The following TRAF1 variants were observed in gnomAD, a reference collection of about 807,000 sequenced individuals.
TRAF1 encodes the protein TNF receptor-associated factor 1.
Under a neutral mutation model 40.9 loss-of-function variants are expected in TRAF1, and 23 were observed. That is an observed-to-expected ratio of 0.56 (90% confidence interval 0.40 to 0.80). TRAF1 has a LOEUF of 0.80. TRAF1 is among the 30% of genes least tolerant of loss of function. TRAF1 has a pLI of 0.00. For synonymous variants in TRAF1, 206 were observed against 218.8 expected (o/e 0.94, Z 0.52); for missense variants, 477 against 528.7 (o/e 0.90, Z 0.96).
rs929429360 is a variant in TRAF1 at position 120,904,936 on chromosome 9, G to C, written c.*84C>G. On this transcript the variant is annotated 3_prime_UTR_variant, in exon 8 of 8. Coordinates refer to ENST00000373887, the MANE Select transcript of TRAF1 (RefSeq NM_005658.5). ...GCCTTCACCCATCTTTGTGCCCTGAGGTCTTGGGTGCCAAGGGCAGGGCAT... is the reference window on the plus strand; with the variant it reads ...GCCTTCACCCATCTTTGTGCCCTGACGTCTTGGGTGCCAAGGGCAGGGCAT... 2 of 1,357,690 alleles carry C rather than the reference G, an allele frequency of 1.5e-6. No individual in the cohort carries two copies. The highest frequency in any genetic ancestry group is 2.0e-6 in the Non-Finnish European group (2 of 982,856). 84.1% of individuals were successfully genotyped at this position (1,357,690 alleles called of 1,614,324 possible). A position where few individuals can be genotyped will look rare whatever the true frequency, so the allele number is the denominator to read the frequency against.
intron 5 of TRAF1, 135 bp from the exon 6 acceptor site, chr9:120,911,648 G>A: frequency 9.8e-7 from 1 of 1,019,792 alleles, no homozygotes; most frequent in South Asian, 1.6e-5. Flanking sequence ...GTCTGCATCT[G>A]AATGTGCTGC....
chr9:120,913,753 G>A lies in TRAF1; in HGVS notation c.295-15C>T. On this transcript the variant is annotated splice_polypyrimidine_tract_variant and intron_variant, in intron 4 of 7. Coordinates refer to ENST00000373887, the MANE Select transcript of TRAF1 (RefSeq NM_005658.5). The stretch of plus-strand genomic sequence containing the variant: ...TGTGGGCTTCCCTGACAAGAGAGTG[G>A]GGCTGATCAGTGAAAACAGAGGTGG... 6.5e-7 allele frequency: 1 copy of A among 1,539,502 alleles called. No homozygotes were observed. Among genetic ancestry groups the A allele is most frequent in the Non-Finnish European group, 8.8e-7 (1 of 1,142,106 alleles).
At chr9:120,908,393 A>C (rs997423869) in intron 7 of TRAF1, among the ~76,000 whole-genome samples, 1 of 149,578 alleles carries the variant, frequency 6.7e-6, no homozygotes, top group Non-Finnish European at 1.5e-5. Flanking sequence ...AAAATAAAAC[A>C]ACCAGTCTCT....
chr9:120,910,990 T>C (rs1038366232), intron 6 of TRAF1, among the ~76,000 whole-genome samples: 2 of 152,252 alleles, frequency 1.3e-5, no homozygotes, highest in African/African-American at 4.8e-5. Flanking sequence ...GCACATACTG[T>C]GGCCCACAGC....
At position 120,904,646 on chromosome 9, in the gene TRAF1, A is replaced by G. The variant is rs1056534070; in HGVS notation, c.*374T>C. The stretch of plus-strand genomic sequence containing the variant: ...AGGTCTCCCTGGCGGCCCTGCAGAG[A>G]TCTTCCTAGCCCGAGAGCTTCTCTG... On this transcript the variant is annotated 3_prime_UTR_variant, in exon 8 of 8. Coordinates refer to ENST00000373887, the MANE Select transcript of TRAF1 (RefSeq NM_005658.5). The G allele has an allele frequency of 7.9e-6, 2 of 252,786 alleles. No homozygotes were observed. Among genetic ancestry groups the G allele is most frequent in the Non-Finnish European group, 1.6e-5 (2 of 128,262 alleles). 15.7% of individuals were successfully genotyped at this position (252,786 alleles called of 1,614,324 possible). A position where few individuals can be genotyped will look rare whatever the true frequency, so the allele number is the denominator to read the frequency against.
intron 5 of TRAF1, among the ~76,000 whole-genome samples, chr9:120,912,816 C>T (rs949493220): frequency 1.3e-5 from 2 of 152,160 alleles, no homozygotes; most frequent in African/African-American, 4.8e-5. Context: ...TGAGCCAGAG[C>T]GTAGGATGGC....
intron 3 of TRAF1, among the ~76,000 whole-genome samples, chr9:120,916,721 C>A (rs1181696448): frequency 1.4e-5 from 2 of 143,610 alleles, no homozygotes; most frequent in Non-Finnish European, 3.0e-5. Flanking sequence ...GCTTCAGGGA[C>A]AAGTTGTTCC....
chr9:120,928,560 A>T (rs1457208536), upstream of TRAF1: 1 of 151,000 alleles, frequency 6.6e-6, no homozygotes. Context: ...CGTCTCCTTG[A>T]CCCCTTTCTC....
At chr9:120,911,612 G>GCAGACGCACAC in intron 5 of TRAF1, 99 bp from the exon 6 acceptor site, 1 of 1,416,546 alleles carries the variant, frequency 7.1e-7, no homozygotes. Context: ...GATGTGTTTT[G>GCAGACGCACAC]CTGACCACGC....
intron 7 of TRAF1, among the ~76,000 whole-genome samples, chr9:120,905,929 C>T (rs556569840): frequency 2.0e-4 from 30 of 152,328 alleles, no homozygotes; most frequent in African/African-American, 6.3e-4. Context: ...ATGCTCAGGC[C>T]TTATCACTTA....
chr9:120,906,821 C>T (rs549120901), intron 7 of TRAF1, among the ~76,000 whole-genome samples: 2 of 152,284 alleles, frequency 1.3e-5, no homozygotes, highest in South Asian at 4.1e-4. Flanking sequence ...CTCCCGGCAC[C>T]TACTCTTGGA....
At chr9:120,905,732 G>A (rs887002272) in intron 7 of TRAF1, among the ~76,000 whole-genome samples, 3 of 152,250 alleles carry the variant, frequency 2.0e-5, no homozygotes, top group African/African-American at 7.2e-5. Context: ...TGAGACATTT[G>A]TGGAGCTTCT....
Position 120,905,175 on chromosome 9 carries a change from G to C in TRAF1, c.1096C>G (p.Leu366Val), listed in dbSNP as rs2046470858. ...GGCCTCTGGAAGGACGCTGAGCTTA[G>C]GTCAGGCCGGAAGGCGTCAATGGCG... ...EHAIDAFRPD[L>V]SSASFQRPQS... Residue 366 changes from leucine (L) to valine (V), a missense_variant, in exon 8 of 8, where the codon CTA becomes GTA. Leu to Val is a conservative substitution (Grantham distance 32). Transcript: ENST00000373887. 1.2e-6 allele frequency: 2 copies of C among 1,614,184 alleles called. No individual in the cohort carries two copies. Among genetic ancestry groups the C allele is most frequent in the South Asian group, 1.1e-5 (1 of 91,072 alleles).
intron 3 of TRAF1, among the ~76,000 whole-genome samples, chr9:120,918,839 G>A (rs1045254057): frequency 6.6e-6 from 1 of 152,166 alleles, no homozygotes; most frequent in Non-Finnish European, 1.5e-5. Context: ...GCCCCTGCAT[G>A]GGCTTGCTGC....
rs1157711208 is a variant in TRAF1 at position 120,909,377 on chromosome 9, G to C, written c.885C>G (p.Ala295=). Reference sequence around the variant, plus strand: ...TGTAGCCATACTTGGCAGTGTAGAAGGCTGAAACGCAGAAGCCAGAGGCAG... The same window carrying C: ...TGTAGCCATACTTGGCAGTGTAGAACGCTGAAACGCAGAAGCCAGAGGCAG... ...CGRTVSLFSP[A]FYTAKYGYKL... is the part of the protein sequence containing the mutation. The change falls in exon 7 of 8, where the codon GCC becomes GCG. Residue 295 remains alanine (A), a splice_region_variant and synonymous_variant. Transcript: ENST00000373887. 6.2e-7 allele frequency: 1 copy of C among 1,613,480 alleles called. No individual in the cohort carries two copies. The highest frequency in any genetic ancestry group is 1.3e-5 in the African/African-American group (1 of 74,920).
intron 3 of TRAF1, among the ~76,000 whole-genome samples, chr9:120,918,977 C>G (rs1008382): frequency 0.68 from 103,230 of 152,076 alleles, 35,241 homozygotes; most frequent in South Asian, 0.82. Context: ...TCAGTGACTT[C>G]CAGGAGGCAA....
At chr9:120,908,052 C>T (rs542889596) in intron 7 of TRAF1, among the ~76,000 whole-genome samples, 1 of 152,096 alleles carries the variant, frequency 6.6e-6, no homozygotes. Context: ...GCCACCACGC[C>T]CAGCTGATGG....
At chr9:120,913,274 G>A in intron 5 of TRAF1, 54 bp downstream of exon 5, 1 of 1,537,052 alleles carries the variant, frequency 6.5e-7, no homozygotes, top group Non-Finnish European at 8.8e-7. Context: ...TGCCGCTCTG[G>A]AGACAGGATG....
intron 7 of TRAF1, among the ~76,000 whole-genome samples, chr9:120,908,517 G>C (rs1025592127): frequency 2.4e-4 from 36 of 152,186 alleles, no homozygotes; most frequent in African/African-American, 8.7e-4. Context: ...ATTTCTTGGA[G>C]AAAATCTTGG....
Sources: gnomAD v4.1 joint callset for allele counts (sites outside exome capture counted in the v4.1 genomes callset) on GRCh38, gnomAD v4.1.1 for gene constraint, MANE v1.5 for transcripts, NCBI Gene and HGNC (gene_info 2026-07-23, HGNC 2026-07-21) for gene names.